Variants in ARHGAP18 observed in about 807,000 individuals in gnomAD.
The protein encoded by ARHGAP18 is Rho GTPase activating protein 18.
A neutral mutation model predicts 86.2 loss-of-function variants in ARHGAP18; 67 were observed. That is an observed-to-expected ratio of 0.78 (90% CI 0.64 to 0.95). The LOEUF is 0.95. Ranked by LOEUF, ARHGAP18 falls within the 40% of genes least tolerant of loss-of-function variation. ARHGAP18 has a pLI of 0.00. For synonymous variants in ARHGAP18, 283 were observed against 280.4 expected, an observed-to-expected ratio of 1.01 and a Z score of -0.09; for missense variants, 691 against 780.4, an observed-to-expected ratio of 0.89 and a Z score of 1.37.
chr6:129,648,769 T>A (rs1409991877), intron 1 of ARHGAP18, among the ~76,000 whole-genome samples: 2 of 152,154 alleles, frequency 1.3e-5, no homozygotes. Context: ...TAGATTTATC[T>A]CTTTCATTTC....
At chr6:129,640,578 A>G (rs1015712034) in intron 2 of ARHGAP18, among the ~76,000 whole-genome samples, 11 of 152,238 alleles carry the variant, frequency 7.2e-5, no homozygotes, top group African/African-American at 2.4e-4. Flanking sequence ...GTGTTTTTAG[A>G]TCTAAGAAAT....
At chr6:129,582,887 A>G (rs1021797575) in intron 13 of ARHGAP18, among the ~76,000 whole-genome samples, 1 of 152,238 alleles carries the variant, frequency 6.6e-6, no homozygotes, top group African/African-American at 2.4e-5. Context: ...GGAAGTTTAC[A>G]CTGGCTTATT....
At chr6:129,652,991 C>A (rs1773748160) in intron 1 of ARHGAP18, among the ~76,000 whole-genome samples, 1 of 151,996 alleles carries the variant, frequency 6.6e-6, no homozygotes, top group African/African-American at 2.4e-5. Flanking sequence ...AACATCAACA[C>A]AAGGCAATGG....
At chr6:129,629,008 T>C (rs568223115) in intron 5 of ARHGAP18, among the ~76,000 whole-genome samples, 1 of 152,290 alleles carries the variant, frequency 6.6e-6, no homozygotes, top group South Asian at 2.1e-4. Context: ...TGAATTGATC[T>C]ATGAAGGCCA....
At chr6:129,631,056 A>C (rs1254518971) in intron 4 of ARHGAP18, among the ~76,000 whole-genome samples, 1 of 152,202 alleles carries the variant, frequency 6.6e-6, no homozygotes, top group Non-Finnish European at 1.5e-5. Context: ...TAAAGTATCA[A>C]CATGAATATC....
chr6:129,622,336 C>T (rs930509455), intron 5 of ARHGAP18, among the ~76,000 whole-genome samples: 4 of 151,862 alleles, frequency 2.6e-5, no homozygotes, highest in Admixed American at 6.6e-5. Flanking sequence ...CCATATTTAC[C>T]TTTTTTTTAA....
In ARHGAP18 at chr6:129,585,554, C is replaced by T. The variant is rs545351755; in HGVS notation, c.1714-1442G>A. Reference sequence around the variant, plus strand: ...GAAGACCACAGACTGCAAACAACAGCTAGACCTGCAAAGGTATCACAAAGG... The same window carrying T: ...GAAGACCACAGACTGCAAACAACAGTTAGACCTGCAAAGGTATCACAAAGG... On this transcript the variant is annotated intron_variant, in intron 12 of 14. Coordinates refer to ENST00000368149, the MANE Select transcript of ARHGAP18 (RefSeq NM_033515.3). Among the ~76,000 whole-genome samples the T allele has an allele frequency of 1.7e-4, 26 of 152,296 alleles. No homozygotes were observed. In the South Asian group the frequency reaches 4.6e-3, roughly 27 times the overall value.
chr6:129,600,913 G>A, intron 10 of ARHGAP18, 65 bp from the exon 11 acceptor site: 1 of 1,367,218 alleles, frequency 7.3e-7, no homozygotes, highest in Non-Finnish European at 1.0e-6. Flanking sequence ...AAGCACTGTA[G>A]CATATGCAAT....
intron 4 of ARHGAP18, among the ~76,000 whole-genome samples, chr6:129,633,371 G>A (rs76435807): frequency 0.086 from 12,751 of 149,128 alleles, 632 homozygotes; most frequent in African/African-American, 0.14. Flanking sequence ...GGAGGCAGAG[G>A]TTGCAGTGAG....
chr6:129,610,639 T>C (rs1788957800), intron 8 of ARHGAP18, among the ~76,000 whole-genome samples: 1 of 152,160 alleles, frequency 6.6e-6, no homozygotes, highest in Non-Finnish European at 1.5e-5. Flanking sequence ...TCTTTTTTTT[T>C]TCTTTTGAGA....
intron 5 of ARHGAP18, among the ~76,000 whole-genome samples, chr6:129,625,390 T>TGTA (rs1233389392): frequency 1.4e-5 from 1 of 73,610 alleles, no homozygotes; most frequent in African/African-American, 7.1e-5. Flanking sequence ...ATATTATATA[T>TGTA]TTATACATAT....
chr6:129,623,608 A>G (rs1343177170), intron 5 of ARHGAP18, among the ~76,000 whole-genome samples: 1 of 152,176 alleles, frequency 6.6e-6, no homozygotes, highest in Non-Finnish European at 1.5e-5. Context: ...AGGAGCATGG[A>G]ACAGAAATGG....
chr6:129,693,489 C>T (rs1479997373), intron 1 of ARHGAP18, among the ~76,000 whole-genome samples: 1 of 152,160 alleles, frequency 6.6e-6, no homozygotes, highest in Non-Finnish European at 1.5e-5. Context: ...CTCTTCTGCT[C>T]TATCTACAGG....
intron 1 of ARHGAP18, among the ~76,000 whole-genome samples, chr6:129,679,218 C>T (rs2114535496): frequency 6.6e-6 from 1 of 152,272 alleles, no homozygotes; most frequent in Non-Finnish European, 1.5e-5. Flanking sequence ...TTAAGAGATA[C>T]AACAAAAATG....
chr6:129,619,627 G>A (rs1051834388), intron 5 of ARHGAP18, among the ~76,000 whole-genome samples: 1 of 126,634 alleles, frequency 7.9e-6, no homozygotes, highest in Non-Finnish European at 1.7e-5. Context: ...GGGAGGGGAC[G>A]GGAAGGGGAT....
chr6:129,585,352 A>G (rs905448365), intron 12 of ARHGAP18, among the ~76,000 whole-genome samples: 2 of 152,196 alleles, frequency 1.3e-5, no homozygotes, highest in Admixed American at 1.3e-4. Flanking sequence ...GATGCCACTA[A>G]TTTGATTTCT....
chr6:129,624,345 G>A (rs974842595), intron 5 of ARHGAP18, among the ~76,000 whole-genome samples: 3 of 151,270 alleles, frequency 2.0e-5, no homozygotes, highest in Admixed American at 6.6e-5. Context: ...CCTGGCCAAC[G>A]TGGTGAAGCC....
intron 5 of ARHGAP18, among the ~76,000 whole-genome samples, chr6:129,623,312 A>G (rs916172272): frequency 1.3e-5 from 2 of 152,178 alleles, no homozygotes; most frequent in Non-Finnish European, 2.9e-5. Context: ...CATGTATGAA[A>G]AATAGGGGTG....
chr6:129,683,864 G>A (rs1250308880), intron 1 of ARHGAP18, among the ~76,000 whole-genome samples: 1 of 152,156 alleles, frequency 6.6e-6, no homozygotes, highest in Non-Finnish European at 1.5e-5. Context: ...GTGTAACCAC[G>A]GCGGGGGGGA....
Sources: allele counts gnomAD v4.1 joint callset (sites outside exome capture counted in the v4.1 genomes callset), GRCh38; gene constraint gnomAD v4.1.1; transcripts MANE v1.5; gene names NCBI Gene and HGNC (gene_info 2026-07-23, HGNC 2026-07-21).